HFM1: variants seen among roughly 807,000 people sequenced by gnomAD.
HFM1 encodes the protein helicase for meiosis 1.
In HFM1, 169 loss-of-function variants were observed where a neutral mutation model predicts 192.1. The observed-to-expected ratio is 0.88, with a 90% CI of 0.78 to 1.00. HFM1 has a LOEUF of 1.00. HFM1 is among the 50% of genes least tolerant of loss of function. HFM1 has a pLI of 0.00. For missense variants in HFM1, 1,661 were observed against 1,668.0 expected (o/e 1.00, Z 0.07); for synonymous variants, 525 against 537.8 (o/e 0.98, Z 0.33).
At chr1:91,354,801 G>T (rs1657494728) in intron 13 of HFM1, among the ~76,000 whole-genome samples, 1 of 152,054 alleles carries the variant, frequency 6.6e-6, no homozygotes, top group African/African-American at 2.4e-5. Context: ...AAAAGCTGAA[G>T]AAATTCACCA....
intron 13 of HFM1, among the ~76,000 whole-genome samples, chr1:91,360,603 T>A (rs1658365283): frequency 6.6e-6 from 1 of 152,088 alleles, no homozygotes; most frequent in South Asian, 2.1e-4. Context: ...ACTGGAGACT[T>A]TAACAACCCA....
At position 91,335,087 on chromosome 1, in the gene HFM1, G is replaced by T. The variant is rs1036085804; in HGVS notation, c.2335+8343C>A. ...CATTTACGTATGTGCTAAATGTTTT[G>T]CTGAAGAAGAAAAGATTTTTGGCAT... On this transcript the variant is annotated intron_variant, in intron 20 of 38. Transcript: ENST00000370425. Among the ~76,000 whole-genome samples the T allele has an allele frequency of 2.6e-5, 4 of 152,276 alleles. No homozygotes were observed. The East Asian group carries it at 7.7e-4, about 29-fold the overall frequency.
At chr1:91,325,320 G>A (rs1044382110) in intron 20 of HFM1, among the ~76,000 whole-genome samples, 12 of 152,244 alleles carry the variant, frequency 7.9e-5, no homozygotes, top group South Asian at 4.1e-4. Context: ...CCAGGACCTG[G>A]GGGAACTCAC....
chr1:91,390,536 T>C (rs1004311552), intron 4 of HFM1, among the ~76,000 whole-genome samples: 2 of 151,840 alleles, frequency 1.3e-5, no homozygotes, highest in African/African-American at 2.4e-5. Context: ...TGCATGAACC[T>C]TAAAAATATT....
At chr1:91,404,160 C>A (rs1220267662) in intron 1 of HFM1, among the ~76,000 whole-genome samples, 1 of 152,194 alleles carries the variant, frequency 6.6e-6, no homozygotes, top group African/African-American at 2.4e-5. Context: ...AAGGACCATA[C>A]AATTGTCGGA....
At chr1:91,312,625 G>T (rs1650634154) in intron 30 of HFM1, among the ~76,000 whole-genome samples, 1 of 152,158 alleles carries the variant, frequency 6.6e-6, no homozygotes, top group African/African-American at 2.4e-5. Flanking sequence ...TAGGCAGAAG[G>T]GACTTGCCTT....
At chr1:91,263,252 A>C (rs1570700632) in intron 36 of HFM1, among the ~76,000 whole-genome samples, 2 of 152,188 alleles carry the variant, frequency 1.3e-5, no homozygotes, top group African/African-American at 2.4e-5. Context: ...TTAAAAGATG[A>C]TCATCAATGC....
intron 30 of HFM1, among the ~76,000 whole-genome samples, chr1:91,281,037 C>T (rs1234288575): frequency 7.2e-5 from 11 of 152,000 alleles, no homozygotes; most frequent in Admixed American, 6.6e-5. Flanking sequence ...ATGTTTTAAC[C>T]GAAGAGGGGG....
At chr1:91,394,446 A>T (rs757853570) in intron 3 of HFM1, 44 bp from the exon 4 acceptor site, 6 of 1,152,114 alleles carry the variant, frequency 5.2e-6, no homozygotes, top group Non-Finnish European at 7.4e-6. Flanking sequence ...TCTCCATTAA[A>T]GGAAATTTTC....
intron 8 of HFM1, 79 bp from the exon 9 acceptor site, chr1:91,379,293 A>C (rs1661273508): frequency 1.7e-6 from 2 of 1,160,684 alleles, no homozygotes. Flanking sequence ...TAATAAAGTT[A>C]GCATAAAAAA....
chr1:91,403,812 T>A (rs1571260450), intron 1 of HFM1, among the ~76,000 whole-genome samples: 1 of 152,340 alleles, frequency 6.6e-6, no homozygotes, highest in Middle Eastern at 3.4e-3. Context: ...TACAACTAGA[T>A]ACAATTAATC....
At chr1:91,289,862 G>A (rs534860337) in intron 30 of HFM1, among the ~76,000 whole-genome samples, 12 of 152,226 alleles carry the variant, frequency 7.9e-5, no homozygotes, top group African/African-American at 2.9e-4. Context: ...AAGAGGGAGA[G>A]GGAGACGAGA....
chr1:91,349,346 T>C (rs1656623807), intron 18 of HFM1, among the ~76,000 whole-genome samples: 1 of 151,832 alleles, frequency 6.6e-6, no homozygotes, highest in Non-Finnish European at 1.5e-5. Flanking sequence ...ATGAACTTAA[T>C]CCCTCTCGCC....
chr1:91,362,662 T>C (rs995655022), intron 13 of HFM1, among the ~76,000 whole-genome samples: 26 of 152,124 alleles, frequency 1.7e-4, no homozygotes, highest in South Asian at 1.7e-3. Flanking sequence ...TAAACTACCA[T>C]TGACATTATT....
In HFM1 at chr1:91,353,309, A is replaced by C; in HGVS notation, c.1686-10T>G. 2.7e-6 allele frequency: 4 copies of C among 1,467,546 alleles called. No individual in the cohort carries two copies. The highest frequency in any genetic ancestry group is 3.8e-6 in the Non-Finnish European group (4 of 1,061,236). 90.9% of individuals were successfully genotyped at this position (1,467,546 alleles called of 1,614,324 possible). ...TGCATACTTCTGTAACCTATTTAAA[A>C]ATACCATAAAATTATTGAGTTACTC... On this transcript the variant is annotated splice_polypyrimidine_tract_variant and intron_variant, in intron 13 of 38. Coordinates refer to ENST00000370425, the MANE Select transcript of HFM1 (RefSeq NM_001017975.6).
chr1:91,287,987 A>G (rs1668221472), intron 30 of HFM1, among the ~76,000 whole-genome samples: 1 of 151,924 alleles, frequency 6.6e-6, no homozygotes, highest in African/African-American at 2.4e-5. Flanking sequence ...GAAACGAGCA[A>G]AGCCTCCAAG....
At chr1:91,327,165 GT>G (rs1338307952) in intron 20 of HFM1, among the ~76,000 whole-genome samples, 1 of 152,170 alleles carries the variant, frequency 6.6e-6, no homozygotes, top group Non-Finnish European at 1.5e-5. Context: ...GCAGGAGTAA[GT>G]TCCTACTTAT....
In HFM1 at chr1:91,385,143, T is replaced by C. The variant is rs749515988; in HGVS notation, c.802+44A>G. ...TTAAACAAATGTTTTAAAATTATGA[T>C]TTAATAAATACAAAGCAGCTATTGT... On this transcript the variant is annotated intron_variant, in intron 6 of 38. Coordinates refer to ENST00000370425, the MANE Select transcript of HFM1 (RefSeq NM_001017975.6). The C allele has an allele frequency of 6.5e-6, 7 of 1,076,060 alleles. No homozygotes were observed. In the East Asian group the frequency reaches 1.5e-4, roughly 22 times the overall value. The allele number at this position is 1,076,060 out of a possible 1,614,324, so 66.7% of individuals were successfully genotyped here.
intron 30 of HFM1, among the ~76,000 whole-genome samples, chr1:91,290,735 C>A (rs561618769): frequency 1.8e-4 from 27 of 152,266 alleles, no homozygotes; most frequent in African/African-American, 4.8e-4. Context: ...CACCCCAAAT[C>A]AACAGAATAT....
Sources: gnomAD v4.1 joint callset for allele counts (sites outside exome capture counted in the v4.1 genomes callset) on GRCh38, gnomAD v4.1.1 for gene constraint, MANE v1.5 for transcripts, NCBI Gene and HGNC (gene_info 2026-07-23, HGNC 2026-07-21) for gene names.